The following ADAM18 variants were observed in gnomAD, a reference collection of about 807,000 sequenced individuals.
ADAM18 encodes disintegrin and metalloproteinase domain-containing protein 18.
ADAM18 carries 117 observed loss-of-function variants against 94.4 expected under a neutral mutation model. The observed-to-expected ratio is 1.24, with a 90% CI of 1.07 to 1.45. The LOEUF (loss-of-function observed/expected upper bound fraction) is 1.45, where lower values mean the gene tolerates loss of function less well. ADAM18 is among the 40% of genes most tolerant of loss of function. ADAM18 has a pLI of 0.00. For missense variants in ADAM18, 936 were observed against 880.0 expected (o/e 1.06, Z -0.81); for synonymous variants, 327 against 291.6 (o/e 1.12, Z -1.24).
chr8:39,609,487 G>A lies in ADAM18; in HGVS notation c.270G>A (p.Met90Ile). The change falls in exon 5 of 20, where the codon ATG becomes ATA. Residue 90 changes from methionine to isoleucine, a missense_variant and splice_region_variant. Physicochemically the swap from Met to Ile is conservative, Grantham distance 10 (BLOSUM62 1). Transcript: ENST00000265707. ...TGCCTTTCTATACTGTTTTTCAGAT[G>A]CATTGCCATTACCAAGGATATGCTG... ...SLHSVSPYFM[M>I]HCHYQGYAAE... is the part of the protein sequence containing the mutation. The A allele has an allele frequency of 1.2e-6, 2 of 1,609,304 alleles. No homozygotes were observed. The highest frequency in any genetic ancestry group is 1.7e-6 in the Non-Finnish European group (2 of 1,176,856).
chr8:39,680,097 C>T lies in ADAM18; in HGVS notation c.1692C>T (p.Asp564=), dbSNP rs28454772. The T allele has an allele frequency of 0.017, 28,202 of 1,613,628 alleles. 2,215 individuals are homozygous for T. The African/African-American group carries it at 0.23, about 13-fold the overall frequency. ...VQPHKNANKS[D]AQSTVYSYIQ... The stretch of plus-strand genomic sequence containing the variant: ...CACATAAAAATGCTAATAAAAGTGA[C>T]GCTCAATCTACAGTTTATTCATATA... Residue 564 remains aspartate (D), a synonymous_variant, in exon 16 of 20, where the codon GAC becomes GAT. Transcript: ENST00000265707.
intron 6 of ADAM18, among the ~76,000 whole-genome samples, chr8:39,625,026 CTCT>C (rs1361760321): frequency 6.6e-6 from 1 of 152,160 alleles, no homozygotes; most frequent in Non-Finnish European, 1.5e-5. Context: ...GCTATTCAGG[CTCT>C]TCTTTGGTTC....
At chr8:39,603,230 G>T (rs1273715322) in intron 2 of ADAM18, among the ~76,000 whole-genome samples, 1 of 152,024 alleles carries the variant, frequency 6.6e-6, no homozygotes, top group Non-Finnish European at 1.5e-5. Context: ...CGTCCATTTT[G>T]TTTTGCCAAT....
At chr8:39,589,710 G>A (rs959034847) in intron 2 of ADAM18, among the ~76,000 whole-genome samples, 1 of 151,578 alleles carries the variant, frequency 6.6e-6, no homozygotes, top group East Asian at 1.9e-4. Flanking sequence ...TACTAATTTT[G>A]TAACATGTTT....
chr8:39,699,191 T>G (rs190341494), intron 17 of ADAM18, among the ~76,000 whole-genome samples: 1 of 152,214 alleles, frequency 6.6e-6, no homozygotes, highest in East Asian at 1.9e-4. Context: ...TATCATTCCT[T>G]AAAGAACTAA....
At chr8:39,592,562 A>G (rs774761307) in intron 2 of ADAM18, among the ~76,000 whole-genome samples, 2 of 152,202 alleles carry the variant, frequency 1.3e-5, no homozygotes, top group Non-Finnish European at 2.9e-5. Flanking sequence ...ACTGGAGGCC[A>G]TTATCCTATG....
intron 10 of ADAM18, among the ~76,000 whole-genome samples, chr8:39,639,133 G>C (rs1460600401): frequency 6.6e-6 from 1 of 151,720 alleles, no homozygotes; most frequent in Non-Finnish European, 1.5e-5. Flanking sequence ...ATAGTATATA[G>C]ATAAAATTCC....
chr8:39,663,819 G>A lies in ADAM18; in HGVS notation c.1255G>A (p.Asp419Asn). ...KNECQFKKCC[D>N]YNTCKLKGSV... Reference sequence around the variant, plus strand: ...GGAATGTCAATTTAAGAAGTGCTGTGATTATAACACATGTAAACTGAAGGG... The same window carrying A: ...GGAATGTCAATTTAAGAAGTGCTGTAATTATAACACATGTAAACTGAAGGG... Residue 419 changes from aspartate to asparagine, a missense_variant, in exon 13 of 20, where the codon GAT (aspartate) becomes AAT (asparagine). By Grantham distance (23) the Asp-to-Asn change is conservative. Transcript: ENST00000265707. The A allele has an allele frequency of 5.6e-6, 9 of 1,612,642 alleles. No individual in the cohort carries two copies. Among genetic ancestry groups the A allele is most frequent in the Non-Finnish European group, 5.9e-6 (7 of 1,179,558 alleles).
intron 2 of ADAM18, among the ~76,000 whole-genome samples, chr8:39,593,935 G>T (rs1818656370): frequency 6.6e-6 from 1 of 152,084 alleles, no homozygotes; most frequent in Admixed American, 6.6e-5. Flanking sequence ...ACAGAATATA[G>T]CTTTGTCAAT....
chr8:39,713,393 G>T (rs962664214), intron 18 of ADAM18, among the ~76,000 whole-genome samples: 1 of 152,164 alleles, frequency 6.6e-6, no homozygotes, highest in Non-Finnish European at 1.5e-5. Context: ...AGGACTTCAC[G>T]ACTAAAACAC....
chr8:39,594,213 G>C (rs1384373198), intron 2 of ADAM18, among the ~76,000 whole-genome samples: 1 of 151,980 alleles, frequency 6.6e-6, no homozygotes, highest in East Asian at 1.9e-4. Flanking sequence ...CATTTCACCA[G>C]GTTAAGCAAA....
chr8:39,721,426 C>T (rs1277978548), intron 18 of ADAM18, among the ~76,000 whole-genome samples: 1 of 151,162 alleles, frequency 6.6e-6, no homozygotes, highest in African/African-American at 2.4e-5. Context: ...TCTTAATTAA[C>T]CTAAAAAGCA....
chr8:39,648,613 T>C, intron 12 of ADAM18, 86 bp downstream of exon 12: 11 of 1,186,992 alleles, frequency 9.3e-6, no homozygotes, highest in Non-Finnish European at 1.3e-5. Flanking sequence ...ATATAAATGA[T>C]ATATGCAACA....
chr8:39,638,051 A>G (rs1820133533), intron 9 of ADAM18, among the ~76,000 whole-genome samples: 2 of 151,888 alleles, frequency 1.3e-5, no homozygotes, highest in African/African-American at 4.8e-5. Flanking sequence ...AATACATTTC[A>G]TGTCTACTTT....
At chr8:39,671,675 A>C (rs900960255) in intron 14 of ADAM18, among the ~76,000 whole-genome samples, 1 of 152,120 alleles carries the variant, frequency 6.6e-6, no homozygotes, top group Non-Finnish European at 1.5e-5. Context: ...GAACCTATAG[A>C]ATGGCTTAGA....
At chr8:39,678,347 G>T (rs367766700) in intron 15 of ADAM18, among the ~76,000 whole-genome samples, 1 of 152,116 alleles carries the variant, frequency 6.6e-6, no homozygotes, top group African/African-American at 2.4e-5. Flanking sequence ...GTATCCAGTT[G>T]GGTGGGACTA....
intron 18 of ADAM18, among the ~76,000 whole-genome samples, chr8:39,716,470 G>A (rs1822582525): frequency 6.6e-6 from 1 of 151,910 alleles, no homozygotes; most frequent in Non-Finnish European, 1.5e-5. Context: ...TTGTTCACTA[G>A]TGTTTTGTTT....
At chr8:39,609,921 C>G (rs73605940) in intron 5 of ADAM18, among the ~76,000 whole-genome samples, 5,377 of 151,960 alleles carry the variant, frequency 0.035, 241 homozygotes, top group African/African-American at 0.11. Context: ...CAGCTTAGTA[C>G]CAGATATAAA....
chr8:39,676,622 C>T (rs61383667), intron 14 of ADAM18, among the ~76,000 whole-genome samples: 11,301 of 152,154 alleles, frequency 0.074, 1,300 homozygotes, highest in African/African-American at 0.24. Context: ...ACGCCCCGCC[C>T]TGCTTCAGCT....
Sources: allele counts gnomAD v4.1 joint callset (sites outside exome capture counted in the v4.1 genomes callset), GRCh38; gene constraint gnomAD v4.1.1; transcripts MANE v1.5; gene names NCBI Gene and HGNC (gene_info 2026-07-23, HGNC 2026-07-21).